Variants in ZFX observed in about 807,000 individuals in gnomAD.
ZFX encodes zinc finger protein X-linked.
For synonymous variants in ZFX, 196 were observed against 226.8 expected (o/e 0.86, Z 1.22); for missense variants, 362 against 628.3 (o/e 0.58, Z 4.53).
At chrX:24,191,533 G>A (rs1326735159) in intron 5 of ZFX, among the ~76,000 whole-genome samples, 4 of 111,393 alleles carry the variant, frequency 3.6e-5, no homozygotes, top group Non-Finnish European at 7.5e-5. Flanking sequence ...TCTTTTAGGT[G>A]CTCTGTTTTC....
intron 5 of ZFX, among the ~76,000 whole-genome samples, chrX:24,197,159 A>G (rs769876755): frequency 8.9e-6 from 1 of 111,820 alleles, no homozygotes; most frequent in East Asian, 2.8e-4. Flanking sequence ...ATTGCAAACA[A>G]TATGATGTCT....
At chrX:24,202,476 C>T (rs1442726744) in intron 5 of ZFX, among the ~76,000 whole-genome samples, 1 of 111,743 alleles carries the variant, frequency 8.9e-6, no homozygotes, top group Non-Finnish European at 1.9e-5. Context: ...CATCAGCGAC[C>T]TCATGCTACT....
intron 5 of ZFX, among the ~76,000 whole-genome samples, chrX:24,200,480 C>T (rs1937220621): frequency 9.0e-6 from 1 of 111,567 alleles, no homozygotes; most frequent in Non-Finnish European, 1.9e-5. Flanking sequence ...GAATTGAGAT[C>T]GTGGGCAAGG....
intron 5 of ZFX, among the ~76,000 whole-genome samples, chrX:24,204,803 A>C (rs1036376172): frequency 2.7e-5 from 3 of 112,040 alleles, no homozygotes; most frequent in African/African-American, 9.7e-5. Context: ...TTGCTGTGAA[A>C]TGTAGAGAAT....
chrX:24,150,420 G>A (rs994756902), intron 1 of ZFX: 1 of 112,491 alleles, frequency 8.9e-6, no homozygotes, highest in African/African-American at 3.2e-5. Context: ...CGCTCCCCGT[G>A]GCGGCCATTG....
rs765310512 is a variant in ZFX, at chrX:24,179,625, C to T, written c.501C>T (p.Val167=). 11 of 1,210,308 alleles carry T rather than the reference C, an allele frequency of 9.1e-6. No individual in the cohort carries two copies. The highest frequency in any genetic ancestry group is 1.2e-5 in the Non-Finnish European group (11 of 895,385). The stretch of plus-strand genomic sequence containing the variant: ...ATAGTGTAGTGGAAGCAGAAATTGT[C>T]ACTGATCCTCTGACTACCGACGTAG... ...VHDSVVEAEI[V]TDPLTTDVVS... Residue 167 remains valine, a synonymous_variant, in exon 5 of 10, where the codon GTC becomes GTT. Transcript: ENST00000304543.
chrX:24,173,275 C>A (rs949881053), intron 4 of ZFX, among the ~76,000 whole-genome samples: 2 of 111,913 alleles, frequency 1.8e-5, no homozygotes, highest in Non-Finnish European at 3.8e-5. Flanking sequence ...TCTCTCTTAT[C>A]TAGCCTGCTG....
intron 5 of ZFX, among the ~76,000 whole-genome samples, chrX:24,188,586 G>A (rs1258322914): frequency 9.0e-6 from 1 of 110,927 alleles, no homozygotes; most frequent in African/African-American, 3.3e-5. Flanking sequence ...TGGTGAGAAA[G>A]AAGATTGGCA....
intron 3 of ZFX, among the ~76,000 whole-genome samples, chrX:24,165,814 C>T (rs757344585): frequency 8.0e-5 from 9 of 111,939 alleles, no homozygotes; most frequent in Non-Finnish European, 1.7e-4. Flanking sequence ...GTAGAGGAAA[C>T]GTGAATAGAA....
intron 4 of ZFX, among the ~76,000 whole-genome samples, chrX:24,176,272 C>T (rs1266514031): frequency 1.8e-5 from 2 of 109,329 alleles, no homozygotes; most frequent in African/African-American, 6.7e-5. Context: ...CTCCTGACCT[C>T]AGGTGATTCG....
rs1401114513 is a variant in ZFX, at chrX:24,214,796, A to T, written c.*3420A>T. On this transcript the variant is annotated 3_prime_UTR_variant, in exon 10 of 10. Transcript: ENST00000304543. ...TAAAGTGGTTTTTGAGAGCACTTAA[A>T]GTTCATTTCAGTATTAATTTACAGC... 1 of 111,910 alleles carries T rather than the reference A, an allele frequency of 8.9e-6. No homozygotes were observed. Among genetic ancestry groups the T allele is most frequent in the Non-Finnish European group, 1.9e-5 (1 of 53,250 alleles). 9.2% of individuals were successfully genotyped at this position (111,910 alleles called of 1,213,427 possible). A position where few individuals can be genotyped will look rare whatever the true frequency, so the allele number is the denominator to read the frequency against.
chrX:24,177,563 G>A (rs754478343), intron 4 of ZFX: 16 of 300,836 alleles, frequency 5.3e-5, no homozygotes, highest in South Asian at 1.7e-4. Context: ...CCACTCCAGC[G>A]CAGCTGCACT....
chrX:24,212,910 T>TC lies in ZFX; in HGVS notation c.*1535dup, dbSNP rs398121988. ...TTTGTTTTTTTTTGTTGTTTTTTTT[T>TC]CTTAAGACGGAGTCTTGCTCTGTTG... On this transcript the variant is annotated 3_prime_UTR_variant, in exon 10 of 10. Coordinates refer to ENST00000304543, the MANE Select transcript of ZFX (RefSeq NM_003410.4). The TC allele has an allele frequency of 1.8e-5, 2 of 111,135 alleles. No individual in the cohort carries two copies. Among genetic ancestry groups the TC allele is most frequent in the Non-Finnish European group, 3.8e-5 (2 of 52,978 alleles). 9.2% of individuals were successfully genotyped at this position (111,135 alleles called of 1,213,427 possible).
rs1480018528 is a variant in ZFX at position 24,207,941 on chromosome X, T to G, written c.940+86T>G. ...GTGTTTGAAATAAGTAGCATTATTTTAGAGATTATTATGCTACTACATTCC... is the reference window on the plus strand; with the variant it reads ...GTGTTTGAAATAAGTAGCATTATTTGAGAGATTATTATGCTACTACATTCC... On this transcript the variant is annotated intron_variant, in intron 7 of 9. Transcript: ENST00000304543. The G allele has an allele frequency of 6.7e-6, 7 of 1,044,495 alleles. No individual in the cohort carries two copies. The African/African-American group carries it at 1.3e-4, about 20-fold the overall frequency. The allele number at this position is 1,044,495 out of a possible 1,213,427, so 86.1% of individuals were successfully genotyped here.
intron 3 of ZFX, chrX:24,161,835 G>A (rs1231991130): frequency 9.3e-6 from 1 of 107,647 alleles, no homozygotes; most frequent in Non-Finnish European, 1.9e-5. Flanking sequence ...GAGTAGCTGG[G>A]ATTACAGGTG....
intron 5 of ZFX, among the ~76,000 whole-genome samples, chrX:24,186,036 A>G (rs1289814486): frequency 9.0e-6 from 1 of 111,420 alleles, no homozygotes. Context: ...TAGAGGAACT[A>G]TGGGCTGATT....
intron 9 of ZFX, 139 bp downstream of exon 9, chrX:24,209,179 A>AT: frequency 7.7e-6 from 7 of 907,594 alleles, no homozygotes; most frequent in Non-Finnish European, 1.0e-5. Context: ...TTGAAAATAT[A>AT]ATTTTCAGAA....
chrX:24,167,222 C>T (rs1934080626), intron 3 of ZFX, among the ~76,000 whole-genome samples: 1 of 111,809 alleles, frequency 8.9e-6, no homozygotes, highest in Admixed American at 9.6e-5. Flanking sequence ...AGATGGGATA[C>T]TCTTCCACCA....
At chrX:24,198,475 C>A (rs1384376216) in intron 5 of ZFX, among the ~76,000 whole-genome samples, 1 of 90,624 alleles carries the variant, frequency 1.1e-5, no homozygotes, top group Non-Finnish European at 2.1e-5. Context: ...GCCACTGCAC[C>A]TGGCTTTGTT....
Sources: allele counts gnomAD v4.1 joint callset (sites outside exome capture counted in the v4.1 genomes callset), GRCh38; gene constraint gnomAD v4.1.1; transcripts MANE v1.5; gene names NCBI Gene and HGNC (gene_info 2026-07-23, HGNC 2026-07-21).